The following SPTY2D1 variants were observed in gnomAD, a reference collection of about 807,000 sequenced individuals.
SPTY2D1 encodes protein SPT2 homolog.
In SPTY2D1, 21 loss-of-function variants were observed where a neutral mutation model predicts 64.0. The ratio of observed to expected loss-of-function variants is 0.33; its 90% confidence interval spans 0.23 to 0.47. The LOEUF (loss-of-function observed/expected upper bound fraction) is 0.47, where lower values mean the gene tolerates loss of function less well. SPTY2D1 is among the 20% of genes least tolerant of loss of function. SPTY2D1 has a pLI of 1.00. For missense variants in SPTY2D1, 724 were observed against 837.2 expected, an observed-to-expected ratio of 0.86 and a Z score of 1.67; for synonymous variants, 287 against 286.8, an observed-to-expected ratio of 1.00 and a Z score of -0.01.
intron 4 of SPTY2D1, among the ~76,000 whole-genome samples, chr11:18,611,974 A>C (rs1422607057): frequency 2.6e-5 from 4 of 152,206 alleles, no homozygotes; most frequent in African/African-American, 7.2e-5. Flanking sequence ...GAAGCAGTTG[A>C]GTTAACAGAC....
intron 1 of SPTY2D1, among the ~76,000 whole-genome samples, chr11:18,631,808 G>C (rs1160915255): frequency 6.6e-6 from 1 of 152,132 alleles, no homozygotes. Context: ...TAAGGAAAAA[G>C]TAAATAGAAC....
In SPTY2D1 at chr11:18,606,622, C is replaced by T. The variant is rs1206591766; in HGVS notation, c.*3239G>A. 1.6e-5 allele frequency: 6 copies of T among 364,182 alleles called. No homozygotes were observed. The highest frequency in any genetic ancestry group is 4.6e-5 in the African/African-American group (2 of 43,894). 22.6% of individuals were successfully genotyped at this position (364,182 alleles called of 1,614,324 possible). ...ATCTCACTCTTAATCATACACTAAA[C>T]GTCTGAATATTTAATCACATCCACT... On this transcript the variant is annotated 3_prime_UTR_variant, in exon 6 of 6. Coordinates refer to ENST00000336349, the MANE Select transcript of SPTY2D1 (RefSeq NM_194285.3).
chr11:18,611,417 A>C, intron 5 of SPTY2D1, 60 bp downstream of exon 5: 1 of 1,468,128 alleles, frequency 6.8e-7, no homozygotes, highest in Non-Finnish European at 9.5e-7. Flanking sequence ...CAATTGTAGC[A>C]ATAAGCAGAA....
At chr11:18,632,324 T>A (rs1254915781) in intron 1 of SPTY2D1, among the ~76,000 whole-genome samples, 1 of 152,092 alleles carries the variant, frequency 6.6e-6, no homozygotes, top group East Asian at 1.9e-4. Flanking sequence ...GAATGCATGA[T>A]TCATAAAATA....
chr11:18,614,438 C>G, intron 3 of SPTY2D1, 125 bp downstream of exon 3: 1 of 957,680 alleles, frequency 1.0e-6, no homozygotes, highest in Non-Finnish European at 1.6e-6. Context: ...CATCACGATT[C>G]TATCAACACT....
chr11:18,629,351 A>G (rs560412553), intron 1 of SPTY2D1, among the ~76,000 whole-genome samples: 2 of 152,204 alleles, frequency 1.3e-5, no homozygotes, highest in African/African-American at 4.8e-5. Flanking sequence ...TAAAAATACA[A>G]AAGTTAGCTG....
At position 18,614,470 on chromosome 11, in the gene SPTY2D1, CAT is replaced by C; in HGVS notation, c.1711+91_1711+92del. On this transcript the variant is annotated intron_variant, in intron 3 of 5. Coordinates refer to ENST00000336349, the MANE Select transcript of SPTY2D1 (RefSeq NM_194285.3). The stretch of plus-strand genomic sequence containing the variant: ...CACTACAGCACATTAAAGGACAGCA[CAT>C]GAGGGGTTCAAAGGGTCCCTGATAA... The C allele has an allele frequency of 3.3e-6, 4 of 1,199,416 alleles. No homozygotes were observed. In the South Asian group the frequency reaches 4.3e-5, roughly 13 times the overall value. The allele number at this position is 1,199,416 out of a possible 1,614,324, so 74.3% of individuals were successfully genotyped here.
chr11:18,631,374 T>C (rs892869918), intron 1 of SPTY2D1, among the ~76,000 whole-genome samples: 2 of 151,846 alleles, frequency 1.3e-5, no homozygotes, highest in Admixed American at 6.6e-5. Flanking sequence ...AGGAGTTTGA[T>C]ACCAGCCCTA....
At chr11:18,627,727 A>G (rs1401159032) in intron 1 of SPTY2D1, among the ~76,000 whole-genome samples, 1 of 152,056 alleles carries the variant, frequency 6.6e-6, no homozygotes, top group Non-Finnish European at 1.5e-5. Flanking sequence ...AAATACAAAA[A>G]AAGTAGCCAG....
intron 1 of SPTY2D1, among the ~76,000 whole-genome samples, chr11:18,633,334 C>T (rs534120573): frequency 2.6e-5 from 4 of 152,326 alleles, no homozygotes; most frequent in African/African-American, 7.2e-5. Flanking sequence ...CCTCACTGCT[C>T]AAACCGCAGG....
intron 2 of SPTY2D1, 75 bp downstream of exon 2, chr11:18,616,800 A>G: frequency 1.4e-6 from 2 of 1,406,568 alleles, no homozygotes; most frequent in South Asian, 2.4e-5. Context: ...TTTTATAGAC[A>G]GCCACTGGTT....
chr11:18,614,804 A>G lies in SPTY2D1; in HGVS notation c.1470T>C (p.Ser490=), dbSNP rs1287106338. The part of the protein sequence containing the change: ...SGLGPPGRSV[S]GPGRSISGSI... ...AGCCACTTATGGATCTCCCAGGGCC[A>G]CTGACAGACCGCCCCGGGGGGCCCA... Residue 490 remains serine (S), a synonymous_variant, in exon 3 of 6, where the codon AGT becomes AGC. Coordinates refer to ENST00000336349, the MANE Select transcript of SPTY2D1 (RefSeq NM_194285.3). 3.1e-6 allele frequency: 5 copies of G among 1,613,336 alleles called. No individual in the cohort carries two copies. Among genetic ancestry groups the G allele is most frequent in the Non-Finnish European group, 4.2e-6 (5 of 1,179,498 alleles).
chr11:18,633,439 G>A (rs1042653617), intron 1 of SPTY2D1, among the ~76,000 whole-genome samples: 2 of 152,176 alleles, frequency 1.3e-5, no homozygotes, highest in Non-Finnish European at 2.9e-5. Flanking sequence ...ATAACCCCCA[G>A]AAACCAGGCG....
In SPTY2D1 at chr11:18,608,495, T is replaced by A. The variant is rs1449215113; in HGVS notation, c.*1366A>T. The stretch of plus-strand genomic sequence containing the variant: ...AATGGCTTAAGATAGCCAAAACGTT[T>A]ATTGTAGAACGTTTATTATTCCTAC... On this transcript the variant is annotated 3_prime_UTR_variant, in exon 6 of 6. Transcript: ENST00000336349. 1.3e-5 allele frequency: 2 copies of A among 152,222 alleles called. No homozygotes were observed. Among genetic ancestry groups the A allele is most frequent in the Admixed American group, 6.5e-5 (1 of 15,280 alleles). 9.4% of individuals were successfully genotyped at this position (152,222 alleles called of 1,614,324 possible).
chr11:18,616,813 G>A, intron 2 of SPTY2D1, 62 bp downstream of exon 2: 1 of 1,532,192 alleles, frequency 6.5e-7, no homozygotes, highest in Non-Finnish European at 9.0e-7. Flanking sequence ...CACTGGTTTA[G>A]TACAAGCTAG....
At chr11:18,623,200 T>C (rs1193104342) in intron 1 of SPTY2D1, among the ~76,000 whole-genome samples, 1 of 152,088 alleles carries the variant, frequency 6.6e-6, no homozygotes, top group Non-Finnish European at 1.5e-5. Flanking sequence ...TGGAAAAAAA[T>C]CCATGTATAA....
intron 5 of SPTY2D1, 120 bp downstream of exon 5, chr11:18,611,357 A>C (rs1360721432): frequency 3.5e-6 from 3 of 864,434 alleles, no homozygotes; most frequent in Non-Finnish European, 5.7e-6. Flanking sequence ...GCTAGTAAAC[A>C]GGATTGGAAT....
chr11:18,626,353 G>T (rs548274560), intron 1 of SPTY2D1, among the ~76,000 whole-genome samples: 2 of 151,940 alleles, frequency 1.3e-5, no homozygotes, highest in South Asian at 4.2e-4. Context: ...AATGATTTTG[G>T]TTCAGCCTTT....
At chr11:18,617,178 A>C (rs1468769487) in intron 1 of SPTY2D1, among the ~76,000 whole-genome samples, 189 bp from the exon 2 acceptor site, 1 of 152,204 alleles carries the variant, frequency 6.6e-6, no homozygotes, top group Non-Finnish European at 1.5e-5. Flanking sequence ...ACGTATGGTG[A>C]TTTTGGGGTA....
Sources: gnomAD v4.1 joint callset for allele counts (sites outside exome capture counted in the v4.1 genomes callset) on GRCh38, gnomAD v4.1.1 for gene constraint, MANE v1.5 for transcripts, NCBI Gene and HGNC (gene_info 2026-07-23, HGNC 2026-07-21) for gene names.